The following FNDC3A variants were observed in gnomAD, a reference collection of about 807,000 sequenced individuals.
FNDC3A encodes the protein fibronectin type III domain containing 3A.
FNDC3A carries 32 observed loss-of-function variants against 148.9 expected under a neutral mutation model. The observed-to-expected ratio is 0.21, with a 90% CI of 0.16 to 0.29. The LOEUF is 0.29. Ranked by LOEUF, FNDC3A falls within the 10% of genes least tolerant of loss-of-function variation. The probability of loss-of-function intolerance (pLI) is 1.00; values close to 1 mark genes in which losing one functional copy is unlikely to be tolerated. For missense variants in FNDC3A, 1,191 were observed against 1,452.8 expected, an observed-to-expected ratio of 0.82 and a Z score of 2.93; for synonymous variants, 472 against 473.6, an observed-to-expected ratio of 1.00 and a Z score of 0.04.
chr13:49,168,030 C>G (rs1333080109), intron 9 of FNDC3A, among the ~76,000 whole-genome samples: 1 of 152,160 alleles, frequency 6.6e-6, no homozygotes, highest in African/African-American at 2.4e-5. Context: ...TAATGTTTTA[C>G]TCTATGCAGG....
At chr13:49,130,621 A>C (rs1881970288) in intron 4 of FNDC3A, among the ~76,000 whole-genome samples, 1 of 152,160 alleles carries the variant, frequency 6.6e-6, no homozygotes, top group Non-Finnish European at 1.5e-5. Flanking sequence ...TCAGTGTTTT[A>C]AGATTTATAT....
intron 3 of FNDC3A, among the ~76,000 whole-genome samples, chr13:49,090,672 C>T (rs1025448485): frequency 7.3e-5 from 11 of 151,724 alleles, no homozygotes; most frequent in Middle Eastern, 3.2e-3. Context: ...TGTTTTCCCC[C>T]GTCTGGGAGC....
At chr13:49,153,075 A>G (rs986357836) in intron 8 of FNDC3A, among the ~76,000 whole-genome samples, 3 of 151,872 alleles carry the variant, frequency 2.0e-5, no homozygotes, top group African/African-American at 7.3e-5. Context: ...CTACTTCTAG[A>G]TCCCTGAGGA....
At chr13:49,019,232 T>A (rs1231455769) in intron 2 of FNDC3A, among the ~76,000 whole-genome samples, 1 of 152,234 alleles carries the variant, frequency 6.6e-6, no homozygotes, top group Non-Finnish European at 1.5e-5. Flanking sequence ...GATCTCAGAC[T>A]GCTGTGCTAG....
intron 8 of FNDC3A, among the ~76,000 whole-genome samples, chr13:49,160,590 T>C (rs1884038436): frequency 6.6e-6 from 1 of 152,082 alleles, no homozygotes; most frequent in Non-Finnish European, 1.5e-5. Flanking sequence ...CATTAATTTT[T>C]TGAAGGGTTT....
chr13:49,141,377 T>G (rs1473405950), intron 7 of FNDC3A, among the ~76,000 whole-genome samples: 1 of 152,178 alleles, frequency 6.6e-6, no homozygotes, highest in Non-Finnish European at 1.5e-5. Flanking sequence ...TGTCATGCCT[T>G]TTACTCATTA....
chr13:49,042,438 C>T (rs1394508176), intron 2 of FNDC3A, among the ~76,000 whole-genome samples: 7 of 151,784 alleles, frequency 4.6e-5, no homozygotes, highest in Admixed American at 2.0e-4. Context: ...CTTTTATTTT[C>T]GTTGGATTAG....
intron 3 of FNDC3A, among the ~76,000 whole-genome samples, chr13:49,103,158 G>A (rs1480928724): frequency 6.6e-6 from 1 of 152,182 alleles, no homozygotes; most frequent in Non-Finnish European, 1.5e-5. Flanking sequence ...ATACAAAGAG[G>A]TTAAGTAACT....
chr13:49,190,423 G>A (rs1168517957), intron 17 of FNDC3A, among the ~76,000 whole-genome samples: 1 of 152,114 alleles, frequency 6.6e-6, no homozygotes, highest in Non-Finnish European at 1.5e-5. Flanking sequence ...CTCTGGACGT[G>A]GGAGGATTGC....
At chr13:49,092,032 A>G (rs1264201667) in intron 3 of FNDC3A, among the ~76,000 whole-genome samples, 1 of 152,232 alleles carries the variant, frequency 6.6e-6, no homozygotes, top group Non-Finnish European at 1.5e-5. Flanking sequence ...GGAAGATGGC[A>G]GGGCCTTGCC....
At chr13:49,086,678 G>A (rs1327336870) in intron 3 of FNDC3A, among the ~76,000 whole-genome samples, 1 of 152,194 alleles carries the variant, frequency 6.6e-6, no homozygotes, top group East Asian at 1.9e-4. Context: ...AAACCATGGA[G>A]AAGTTTGTTC....
At chr13:49,047,481 T>C (rs978072491) in intron 2 of FNDC3A, among the ~76,000 whole-genome samples, 6 of 152,182 alleles carry the variant, frequency 3.9e-5, no homozygotes, top group African/African-American at 1.4e-4. Flanking sequence ...TTTTTTGTTA[T>C]GGCCATTCTT....
intron 1 of FNDC3A, chr13:48,987,914 C>A (rs555804040): frequency 6.6e-6 from 1 of 152,148 alleles, no homozygotes. Context: ...TAAATTTGTG[C>A]GTGCTTTGGC....
chr13:49,132,419 G>A (rs1303322420), intron 5 of FNDC3A, among the ~76,000 whole-genome samples: 1 of 152,116 alleles, frequency 6.6e-6, no homozygotes, highest in Non-Finnish European at 1.5e-5. Flanking sequence ...GATGTTTTAG[G>A]ACGGATAAGT....
At position 49,207,453 on chromosome 13, in the gene FNDC3A, TTTCTG is replaced by T. The variant is rs1886704855; in HGVS notation, c.*60_*64del. On this transcript the variant is annotated 3_prime_UTR_variant, in exon 26 of 26. Transcript: ENST00000492622. ...TTTATTTTGTCATGTACTAAAATTA[TTTCTG>T]TATTGCTTTTATAAAAAACAGTGGC... 1.2e-5 allele frequency: 13 copies of T among 1,081,626 alleles called. No individual in the cohort carries two copies. The highest frequency in any genetic ancestry group is 1.1e-4 in the South Asian group (7 of 62,346). The allele number at this position is 1,081,626 out of a possible 1,614,324, so 67.0% of individuals were successfully genotyped here.
In FNDC3A at chr13:49,209,527, A is replaced by T. The variant is rs1351354111; in HGVS notation, c.*2132A>T. On this transcript the variant is annotated 3_prime_UTR_variant, in exon 26 of 26. Coordinates refer to ENST00000492622, the MANE Select transcript of FNDC3A (RefSeq NM_001079673.2). ...CAAATGAAAAAAATCTCATAAAAATACATAAACTATGTAGCAAAAGTATCT... is the reference window on the plus strand; with the variant it reads ...CAAATGAAAAAAATCTCATAAAAATTCATAAACTATGTAGCAAAAGTATCT... 1 of 152,672 alleles carries T rather than the reference A, an allele frequency of 6.5e-6. No homozygotes were observed. Among genetic ancestry groups the T allele is most frequent in the Non-Finnish European group, 1.5e-5 (1 of 68,038 alleles). The allele number at this position is 152,672 out of a possible 1,614,324, so 9.5% of individuals were successfully genotyped here.
At chr13:49,081,828 C>G (rs1308872264) in intron 3 of FNDC3A, among the ~76,000 whole-genome samples, 1 of 152,164 alleles carries the variant, frequency 6.6e-6, no homozygotes. Flanking sequence ...GCTTATTTGT[C>G]AGACTTTCTT....
At chr13:49,152,577 T>C (rs927116121) in intron 8 of FNDC3A, among the ~76,000 whole-genome samples, 1 of 152,096 alleles carries the variant, frequency 6.6e-6, no homozygotes, top group Non-Finnish European at 1.5e-5. Flanking sequence ...TAGTTACATA[T>C]GTATACATGT....
rs143634796 is a variant in FNDC3A, at chr13:48,983,319, A to G, written c.-40+7142A>G. On this transcript the variant is annotated intron_variant, in intron 1 of 25. Coordinates refer to ENST00000492622, the MANE Select transcript of FNDC3A (RefSeq NM_001079673.2). ...GGTTGTATATATCATACTGTAATGTATATATATTTTTTACTTGTCTAAATC... is the reference window on the plus strand; with the variant it reads ...GGTTGTATATATCATACTGTAATGTGTATATATTTTTTACTTGTCTAAATC... Among the ~76,000 whole-genome samples the G allele has an allele frequency of 6.2e-3, 944 of 152,320 alleles. 8 individuals are homozygous for G. The highest frequency in any genetic ancestry group is 0.03 in the South Asian group (146 of 4,830).
Sources: gnomAD v4.1 joint callset for allele counts (sites outside exome capture counted in the v4.1 genomes callset) on GRCh38, gnomAD v4.1.1 for gene constraint, MANE v1.5 for transcripts, NCBI Gene and HGNC (gene_info 2026-07-23, HGNC 2026-07-21) for gene names.